The following ARID5B variants were observed in gnomAD, a reference collection of about 807,000 sequenced individuals.
ARID5B encodes AT-rich interactive domain-containing protein 5B.
A neutral mutation model predicts 97.2 loss-of-function variants in ARID5B; 13 were observed. That is an observed-to-expected ratio of 0.13 (90% CI 0.09 to 0.21). ARID5B has a LOEUF of 0.21. Ranked by LOEUF, ARID5B falls within the 10% of genes least tolerant of loss-of-function variation. The probability of loss-of-function intolerance (pLI) is 1.00; values close to 1 mark genes in which losing one functional copy is unlikely to be tolerated. For missense variants in ARID5B, 1,210 were observed against 1,465.3 expected (o/e 0.83, Z 2.84); for synonymous variants, 556 against 570.3 (o/e 0.97, Z 0.36).
Position 62,091,677 on chromosome 10 carries a change from C to G in ARID5B, c.2214C>G (p.Gly738=). 1.2e-6 allele frequency: 2 copies of G among 1,614,160 alleles called. No individual in the cohort carries two copies. Among genetic ancestry groups the G allele is most frequent in the Non-Finnish European group, 1.7e-6 (2 of 1,180,032 alleles). Reference sequence around the variant, plus strand: ...CCAGTTTGTCCCAGACCCACCATGGCCAAAGCACTGACCATATGGCGGTCA... The same window carrying G: ...CCAGTTTGTCCCAGACCCACCATGGGCAAAGCACTGACCATATGGCGGTCA... The part of the protein sequence containing the change: ...LCSSLSQTHH[G]QSTDHMAVSR... The change falls in exon 10 of 10, where the codon GGC becomes GGG. Residue 738 remains glycine, a synonymous_variant. Coordinates refer to ENST00000279873, the MANE Select transcript of ARID5B (RefSeq NM_032199.3).
intron 3 of ARID5B, among the ~76,000 whole-genome samples, chr10:61,969,373 T>C (rs1166780707): frequency 6.6e-6 from 1 of 152,202 alleles, no homozygotes; most frequent in Non-Finnish European, 1.5e-5. Context: ...CTTCTGCATA[T>C]GGAAAAGGAA....
chr10:62,082,557 GA>G (rs1840227192), intron 8 of ARID5B, among the ~76,000 whole-genome samples: 1 of 152,116 alleles, frequency 6.6e-6, no homozygotes. Flanking sequence ...AAATATTTGA[GA>G]AATAATCAAC....
chr10:61,943,980 T>G (rs1844459802), intron 3 of ARID5B, among the ~76,000 whole-genome samples: 1 of 152,192 alleles, frequency 6.6e-6, no homozygotes. Context: ...TCTTAATGGT[T>G]GATGACTAAA....
chr10:61,912,088 T>TGG (rs1843815290), intron 2 of ARID5B, among the ~76,000 whole-genome samples: 1 of 152,240 alleles, frequency 6.6e-6, no homozygotes, highest in Non-Finnish European at 1.5e-5. Flanking sequence ...CATTGTTCTA[T>TGG]TGTATTTGAA....
chr10:61,959,524 G>T (rs1838440705), intron 3 of ARID5B, among the ~76,000 whole-genome samples: 1 of 152,094 alleles, frequency 6.6e-6, no homozygotes, highest in Admixed American at 6.5e-5. Context: ...TGAGTAATAG[G>T]ATCTTAATTA....
At chr10:61,928,269 C>T (rs986970382) in intron 2 of ARID5B, among the ~76,000 whole-genome samples, 1 of 152,026 alleles carries the variant, frequency 6.6e-6, no homozygotes, top group Non-Finnish European at 1.5e-5. Context: ...GTCACTTGTT[C>T]CAGTGTAAAA....
chr10:61,954,445 C>T (rs184302060), intron 3 of ARID5B, among the ~76,000 whole-genome samples: 4 of 152,216 alleles, frequency 2.6e-5, no homozygotes, highest in Admixed American at 2.6e-4. Flanking sequence ...TATTGTCCTA[C>T]AGACCTGCTT....
intron 3 of ARID5B, among the ~76,000 whole-genome samples, chr10:61,943,742 A>G (rs1437703590): frequency 2.8e-5 from 4 of 144,850 alleles, no homozygotes; most frequent in Admixed American, 6.9e-5. Context: ...TCTGAATAGT[A>G]AAAAAAAAAA....
chr10:62,021,771 T>A (rs944556245), intron 4 of ARID5B, among the ~76,000 whole-genome samples: 3 of 152,216 alleles, frequency 2.0e-5, no homozygotes, highest in African/African-American at 7.2e-5. Flanking sequence ...GCAAACCCAA[T>A]TGCTTAGAGT....
At chr10:62,017,935 C>T (rs548658240) in intron 4 of ARID5B, among the ~76,000 whole-genome samples, 1 of 152,222 alleles carries the variant, frequency 6.6e-6, no homozygotes, top group South Asian at 2.1e-4. Context: ...AGATAAAATA[C>T]ATTTTTATTA....
chr10:61,958,383 C>A (rs375612361), intron 3 of ARID5B, among the ~76,000 whole-genome samples: 1 of 152,254 alleles, frequency 6.6e-6, no homozygotes, highest in South Asian at 2.1e-4. Flanking sequence ...TGCCCGCCAC[C>A]GCGCCCGGCT....
At chr10:61,951,536 T>C (rs1224744003) in intron 3 of ARID5B, among the ~76,000 whole-genome samples, 1 of 152,234 alleles carries the variant, frequency 6.6e-6, no homozygotes, top group Non-Finnish European at 1.5e-5. Flanking sequence ...AATACAAATG[T>C]TACAGGAGTA....
chr10:61,913,579 C>T (rs892376117), intron 2 of ARID5B, among the ~76,000 whole-genome samples: 6 of 152,154 alleles, frequency 3.9e-5, no homozygotes, highest in Admixed American at 2.0e-4. Context: ...GGGCTGCTCT[C>T]TTGAGGTCAT....
chr10:61,915,090 A>G (rs926693217), intron 2 of ARID5B, among the ~76,000 whole-genome samples: 1 of 152,192 alleles, frequency 6.6e-6, no homozygotes, highest in Admixed American at 6.5e-5. Context: ...TGATACCCAG[A>G]TAATAGTAAT....
intron 3 of ARID5B, among the ~76,000 whole-genome samples, chr10:61,962,917 G>A (rs1490879568): frequency 6.6e-5 from 10 of 152,152 alleles, no homozygotes; most frequent in Admixed American, 5.9e-4. Flanking sequence ...AATAAACCAC[G>A]AAAGAAACTG....
chr10:62,056,957 T>C (rs1839864232), intron 5 of ARID5B, among the ~76,000 whole-genome samples, 160 bp from the exon 6 acceptor site: 1 of 152,184 alleles, frequency 6.6e-6, no homozygotes, highest in Admixed American at 6.5e-5. Flanking sequence ...AGACAATTCA[T>C]CTTCAGTGAT....
At chr10:61,917,597 CAA>C (rs943598268) in intron 2 of ARID5B, among the ~76,000 whole-genome samples, 5 of 152,220 alleles carry the variant, frequency 3.3e-5, no homozygotes, top group African/African-American at 1.2e-4. Context: ...GTGGGCCAAA[CAA>C]AATGTGTCTT....
At chr10:62,069,819 T>C (rs1249997703) in intron 8 of ARID5B, 22 bp downstream of exon 8, 1 of 1,609,696 alleles carries the variant, frequency 6.2e-7, no homozygotes, top group South Asian at 1.1e-5. Flanking sequence ...TTTCATGGAA[T>C]TGCTTAGTTA....
intron 3 of ARID5B, among the ~76,000 whole-genome samples, chr10:61,964,739 G>T (rs1232291290): frequency 6.6e-6 from 1 of 152,182 alleles, no homozygotes; most frequent in Admixed American, 6.5e-5. Flanking sequence ...TAGTTTTTTG[G>T]TGAGTGAAAG....
Sources: allele counts gnomAD v4.1 joint callset (sites outside exome capture counted in the v4.1 genomes callset), GRCh38; gene constraint gnomAD v4.1.1; transcripts MANE v1.5; gene names NCBI Gene and HGNC (gene_info 2026-07-23, HGNC 2026-07-21).